NTRK3: variants seen among roughly 807,000 people sequenced by gnomAD.
NTRK3 encodes the protein NT-3 growth factor receptor.
Under a neutral mutation model 91.7 loss-of-function variants are expected in NTRK3, and 24 were observed. That is an observed-to-expected ratio of 0.26 (90% CI 0.19 to 0.37). The LOEUF is 0.37. NTRK3 is among the 10% of genes least tolerant of loss of function. The pLI is 1.00. For synonymous variants in NTRK3, 483 were observed against 404.0 expected (o/e 1.20, Z -2.34); for missense variants, 880 against 1,068.9 (o/e 0.82, Z 2.46).
chr15:88,070,267 TAG>T (rs1255729438), intron 13 of NTRK3, among the ~76,000 whole-genome samples: 2 of 152,138 alleles, frequency 1.3e-5, no homozygotes, highest in Non-Finnish European at 2.9e-5. Flanking sequence ...GCAGTTTCCT[TAG>T]AGTTACCTCT....
intron 13 of NTRK3, among the ~76,000 whole-genome samples, chr15:88,084,895 T>C (rs1256796969): frequency 6.6e-6 from 1 of 152,320 alleles, no homozygotes; most frequent in East Asian, 1.9e-4. Context: ...ACAAGGGGCA[T>C]GTAGAACCAT....
chr15:88,056,075 G>A (rs567926368), intron 13 of NTRK3, among the ~76,000 whole-genome samples: 2 of 151,718 alleles, frequency 1.3e-5, no homozygotes, highest in East Asian at 3.9e-4. Flanking sequence ...AAAGGAGCAT[G>A]GCAGGCCCCT....
chr15:88,104,208 G>A (rs760348592), intron 13 of NTRK3, among the ~76,000 whole-genome samples: 1 of 152,214 alleles, frequency 6.6e-6, no homozygotes, highest in African/African-American at 2.4e-5. Flanking sequence ...CACCTTTGAC[G>A]TTGAAAGATG....
At chr15:88,127,796 T>G (rs1426122198) in intron 11 of NTRK3, among the ~76,000 whole-genome samples, 1 of 152,116 alleles carries the variant, frequency 6.6e-6, no homozygotes. Flanking sequence ...GCAGCTTAAG[T>G]TAAAAAAATA....
intron 6 of NTRK3, among the ~76,000 whole-genome samples, chr15:88,143,741 T>C (rs541686697): frequency 1.3e-5 from 2 of 152,208 alleles, no homozygotes; most frequent in Admixed American, 6.5e-5. Context: ...CCAAGAACGG[T>C]AGAAAGTCAT....
intron 15 of NTRK3, among the ~76,000 whole-genome samples, chr15:87,936,411 A>C (rs1209592933): frequency 6.6e-6 from 1 of 152,070 alleles, no homozygotes; most frequent in Non-Finnish European, 1.5e-5. Flanking sequence ...GGGTTCAGTA[A>C]GGCTGTTTAT....
intron 17 of NTRK3, among the ~76,000 whole-genome samples, chr15:87,917,984 A>G (rs1438068312): frequency 7.9e-6 from 1 of 126,892 alleles, no homozygotes; most frequent in Non-Finnish European, 1.6e-5. Flanking sequence ...CCTCCATTTC[A>G]CTGTTTTTTT....
chr15:88,025,529 A>G (rs953874480), intron 14 of NTRK3, among the ~76,000 whole-genome samples: 8 of 152,232 alleles, frequency 5.3e-5, no homozygotes, highest in Non-Finnish European at 1.0e-4. Flanking sequence ...TGTTCTTACA[A>G]AAAGGCAGTC....
At chr15:87,974,202 G>A (rs2073511897) in intron 14 of NTRK3, among the ~76,000 whole-genome samples, 1 of 149,802 alleles carries the variant, frequency 6.7e-6, no homozygotes, top group African/African-American at 2.6e-5. Context: ...GGAGGTGGAG[G>A]TGAGGATGTG....
intron 13 of NTRK3, among the ~76,000 whole-genome samples, chr15:88,045,184 G>C (rs570826515): frequency 5.3e-5 from 8 of 152,310 alleles, no homozygotes; most frequent in African/African-American, 1.9e-4. Context: ...ATATCTTGTG[G>C]ACAAGTCACA....
At chr15:87,945,137 A>C (rs1424911295) in intron 14 of NTRK3, among the ~76,000 whole-genome samples, 1 of 152,190 alleles carries the variant, frequency 6.6e-6, no homozygotes, top group Non-Finnish European at 1.5e-5. Flanking sequence ...CCAATCTCCA[A>C]CAAAAAAGGG....
intron 17 of NTRK3, among the ~76,000 whole-genome samples, chr15:87,884,107 C>A (rs1567068090): frequency 7.2e-6 from 1 of 138,992 alleles, no homozygotes; most frequent in Non-Finnish European, 1.6e-5. Flanking sequence ...AAACAGCCAG[C>A]CAAAAGGAAA....
intron 14 of NTRK3, among the ~76,000 whole-genome samples, chr15:87,995,001 G>A (rs2075583400): frequency 1.3e-5 from 2 of 152,208 alleles, no homozygotes; most frequent in South Asian, 4.1e-4. Flanking sequence ...TTTAGATTAA[G>A]TGATGTACCT....
At chr15:88,210,315 A>C (rs985242475) in intron 3 of NTRK3, among the ~76,000 whole-genome samples, 2 of 152,194 alleles carry the variant, frequency 1.3e-5, no homozygotes, top group Non-Finnish European at 2.9e-5. Flanking sequence ...GAGCAGCCCG[A>C]TTCCAAAACA....
intron 14 of NTRK3, among the ~76,000 whole-genome samples, chr15:87,974,498 T>A (rs181470657): frequency 1.9e-4 from 29 of 151,464 alleles, no homozygotes; most frequent in Non-Finnish European, 3.7e-4. Context: ...ATCCTAAGGA[T>A]CAGGTTGGTC....
intron 3 of NTRK3, among the ~76,000 whole-genome samples, chr15:88,245,606 CAAG>C (rs1264417527): frequency 1.3e-5 from 2 of 152,060 alleles, no homozygotes; most frequent in African/African-American, 2.4e-5. Context: ...AGACTGGAAG[CAAG>C]AAGAACAGAT....
intron 13 of NTRK3, among the ~76,000 whole-genome samples, chr15:88,100,587 A>C (rs1407825993): frequency 6.6e-6 from 1 of 152,232 alleles, no homozygotes; most frequent in East Asian, 1.9e-4. Context: ...ATGTCACAGA[A>C]GAAGGGCATA....
intron 3 of NTRK3, among the ~76,000 whole-genome samples, chr15:88,204,477 A>T (rs2141321270): frequency 6.6e-6 from 1 of 152,248 alleles, no homozygotes; most frequent in Non-Finnish European, 1.5e-5. Flanking sequence ...ACAATCAGCC[A>T]TTTCTAATGC....
chr15:88,041,548 T>C (rs182566731), intron 13 of NTRK3, among the ~76,000 whole-genome samples: 7 of 152,294 alleles, frequency 4.6e-5, no homozygotes, highest in Admixed American at 1.3e-4. Flanking sequence ...ACTTGTCACA[T>C]TCCCTTTTTC....
Sources: gnomAD v4.1 joint callset for allele counts (sites outside exome capture counted in the v4.1 genomes callset) on GRCh38, gnomAD v4.1.1 for gene constraint, MANE v1.5 for transcripts, NCBI Gene and HGNC (gene_info 2026-07-23, HGNC 2026-07-21) for gene names.